Variants in PCDHGA7 observed in about 807,000 individuals in gnomAD.
The protein encoded by PCDHGA7 is protocadherin gamma subfamily A, 7, also known as protocadherin gamma-A7.
In PCDHGA7, 44 loss-of-function variants were observed where a neutral mutation model predicts 58.3. The observed-to-expected ratio is 0.75, with a 90% CI of 0.59 to 0.97. The LOEUF (loss-of-function observed/expected upper bound fraction) is 0.97. Ranked by LOEUF, PCDHGA7 falls within the 50% of genes least tolerant of loss-of-function variation. The pLI is 0.00. For synonymous variants in PCDHGA7, 516 were observed against 504.2 expected (o/e 1.02, Z -0.31); for missense variants, 1,266 against 1,188.7 (o/e 1.06, Z -0.96).
chr5:141,422,314 C>G (rs1207977453), intron 1 of PCDHGA7: 2 of 1,547,838 alleles, frequency 1.3e-6, no homozygotes, highest in Non-Finnish European at 1.7e-6. Context: ...AAACTCTCCT[C>G]CAGGTACAGT....
chr5:141,485,587 G>C lies in PCDHGA7; in HGVS notation c.2425-9220G>C. 6.2e-7 allele frequency: 1 copy of C among 1,612,652 alleles called. No individual in the cohort carries two copies. The highest frequency in any genetic ancestry group is 1.7e-5 in the Admixed American group (1 of 59,982). On this transcript the variant is annotated intron_variant, in intron 1 of 3. Coordinates refer to ENST00000518325, the MANE Select transcript of PCDHGA7 (RefSeq NM_018920.4). This position sits in a 1 kb window ranked among gnomAD's most constrained non-coding sequence, Gnocchi z 5.7. ...CCCCCCGTTTTCCGCGGCAGCAGCT[G>C]GACTTGGAAATTGGGGAGGCAGCTC... is the stretch of plus-strand genomic sequence containing the variant.
At position 141,384,238 on chromosome 5, in the gene PCDHGA7, G is replaced by A. The variant is rs1779876859; in HGVS notation, c.1339G>A (p.Asp447Asn). ...ATTCATGCAGGTGGCAGACACCAAC[G>A]ATAACCCACCCACCTTCCCCCACTC... ...HIFMQVADTN[D>N]NPPTFPHSSY... Residue 447 changes from aspartate to asparagine, a missense_variant, in exon 1 of 4, where the codon GAT becomes AAT. Asp to Asn is a conservative substitution (Grantham distance 23, BLOSUM62 1). Coordinates refer to ENST00000518325, the MANE Select transcript of PCDHGA7 (RefSeq NM_018920.4). 1 of 1,613,838 alleles carries A rather than the reference G, an allele frequency of 6.2e-7. No individual in the cohort carries two copies. Among genetic ancestry groups the A allele is most frequent in the Non-Finnish European group, 8.5e-7 (1 of 1,179,886 alleles).
chr5:141,473,930 G>T (rs966856411), intron 1 of PCDHGA7, among the ~76,000 whole-genome samples: 3 of 152,156 alleles, frequency 2.0e-5, no homozygotes, highest in Admixed American at 6.5e-5. Flanking sequence ...TGAGCTGGGT[G>T]CAGTAGCTCA....
chr5:141,475,213 G>C (rs1359120020), intron 1 of PCDHGA7, among the ~76,000 whole-genome samples: 2 of 152,170 alleles, frequency 1.3e-5, no homozygotes, highest in African/African-American at 4.8e-5. Context: ...GAAAAGGATT[G>C]ATCAAGTAAA....
At chr5:141,427,695 C>T in intron 1 of PCDHGA7, 1 of 918,214 alleles carries the variant, frequency 1.1e-6, no homozygotes, top group Non-Finnish European at 1.7e-6. Context: ...CTCCATCCCA[C>T]AAGTCAGCGC....
At chr5:141,452,193 GT>G (rs1375451557) in intron 1 of PCDHGA7, among the ~76,000 whole-genome samples, 1 of 151,990 alleles carries the variant, frequency 6.6e-6, no homozygotes, top group Non-Finnish European at 1.5e-5. Context: ...ACCTCAAATT[GT>G]TTTAGATGTT....
chr5:141,491,932 G>A lies in PCDHGA7; in HGVS notation c.2425-2875G>A. Reference sequence around the variant, plus strand: ...GGCGACTGTGGGCGAGGGGAGGTGGGACCGACCCCCACCCCTACACTCAAA... The same window carrying A: ...GGCGACTGTGGGCGAGGGGAGGTGGAACCGACCCCCACCCCTACACTCAAA... On this transcript the variant is annotated intron_variant, in intron 1 of 3. Transcript: ENST00000518325. This position sits in a 1 kb window ranked among gnomAD's most constrained non-coding sequence, Gnocchi z 6.9. 1 of 1,259,014 alleles carries A rather than the reference G, an allele frequency of 7.9e-7. No homozygotes were observed. The highest frequency in any genetic ancestry group is 1.1e-6 in the Non-Finnish European group (1 of 926,048). The allele number at this position is 1,259,014 out of a possible 1,614,324, so 78.0% of individuals were successfully genotyped here. A position where few individuals can be genotyped will look rare whatever the true frequency, so the allele number is the denominator to read the frequency against.
At chr5:141,388,250 G>A in intron 1 of PCDHGA7, 1 of 1,610,522 alleles carries the variant, frequency 6.2e-7, no homozygotes, top group Middle Eastern at 1.7e-4. Flanking sequence ...TGAATGTGGA[G>A]ATCGAGGACA....
In PCDHGA7 at chr5:141,393,089, G is replaced by A. The variant is rs1168367249; in HGVS notation, c.2424+7766G>A. 4 of 1,613,660 alleles carry A rather than the reference G, an allele frequency of 2.5e-6. No homozygotes were observed. In the East Asian group the frequency reaches 6.7e-5, roughly 27 times the overall value. ...TGATCACCGCGGGCAGGATAGATCGGGAGGAGCTCTGCGCTCAGAGCCCGC... is the reference window on the plus strand; with the variant it reads ...TGATCACCGCGGGCAGGATAGATCGAGAGGAGCTCTGCGCTCAGAGCCCGC... On this transcript the variant is annotated intron_variant, in intron 1 of 3. Transcript: ENST00000518325.
chr5:141,429,476 A>T (rs1279691939), intron 1 of PCDHGA7, among the ~76,000 whole-genome samples: 1 of 152,112 alleles, frequency 6.6e-6, no homozygotes, highest in Non-Finnish European at 1.5e-5. Flanking sequence ...CAATCTCCAG[A>T]GTAGCTGAGA....
chr5:141,499,689 C>CTTTTT (rs545067566), intron 2 of PCDHGA7, among the ~76,000 whole-genome samples: 5 of 119,848 alleles, frequency 4.2e-5, no homozygotes, highest in Admixed American at 8.7e-5. Context: ...TAACAGATGA[C>CTTTTT]TTTTTTTTTT....
At chr5:141,507,450 CAG>C (rs940460926) in intron 3 of PCDHGA7, among the ~76,000 whole-genome samples, 3 of 152,168 alleles carry the variant, frequency 2.0e-5, no homozygotes, top group African/African-American at 7.2e-5. Flanking sequence ...GACGGAAGGA[CAG>C]AGAGAGAGGT....
intron 2 of PCDHGA7, among the ~76,000 whole-genome samples, chr5:141,496,334 G>T (rs959266723): frequency 2.6e-5 from 4 of 152,240 alleles, no homozygotes; most frequent in Admixed American, 6.5e-5. Context: ...GAAGTCAGGA[G>T]CCTGGAGGAG....
intron 1 of PCDHGA7, chr5:141,419,829 C>G (rs748734266): frequency 6.2e-7 from 1 of 1,614,072 alleles, no homozygotes; most frequent in Admixed American, 1.7e-5. Flanking sequence ...CTTTCAGCCA[C>G]TGCCACGCTG....
At chr5:141,479,090 T>G (rs1424205731) in intron 1 of PCDHGA7, among the ~76,000 whole-genome samples, 2 of 152,244 alleles carry the variant, frequency 1.3e-5, no homozygotes, top group Non-Finnish European at 2.9e-5. Flanking sequence ...CCAGGCATCC[T>G]TTAAATTTTA....
chr5:141,396,725 T>A (rs1432052825), intron 1 of PCDHGA7: 2 of 152,198 alleles, frequency 1.3e-5, no homozygotes, highest in East Asian at 3.8e-4. Flanking sequence ...AATACCTGAA[T>A]TGATTGTTGT....
chr5:141,420,176 C>CA (rs1162032152), intron 1 of PCDHGA7: 5 of 1,613,874 alleles, frequency 3.1e-6, no homozygotes, highest in Non-Finnish European at 4.2e-6. Flanking sequence ...ATCTGTTGAT[C>CA]ATTGTCCAGC....
In PCDHGA7 at chr5:141,383,066, C is replaced by T. The variant is rs1305703893; in HGVS notation, c.167C>T (p.Pro56Leu). ...GDIAKDLGLE[P>L]RELAERGVRI... Reference sequence around the variant, plus strand: ...ATCGCCAAGGACCTGGGGCTGGAGCCCCGGGAGCTGGCGGAGCGCGGAGTC... The same window carrying T: ...ATCGCCAAGGACCTGGGGCTGGAGCTCCGGGAGCTGGCGGAGCGCGGAGTC... Residue 56 changes from proline to leucine, a missense_variant, in exon 1 of 4, where the codon CCC becomes CTC. Physicochemically the swap from Pro to Leu is moderately conservative, Grantham distance 98 (BLOSUM62 -3). Coordinates refer to ENST00000518325, the MANE Select transcript of PCDHGA7 (RefSeq NM_018920.4). 6.2e-7 allele frequency: 1 copy of T among 1,613,826 alleles called. No individual in the cohort carries two copies. Among genetic ancestry groups the T allele is most frequent in the Admixed American group, 1.7e-5 (1 of 60,022 alleles).
chr5:141,485,408 T>C lies in PCDHGA7; in HGVS notation c.2425-9399T>C. On this transcript the variant is annotated intron_variant, in intron 1 of 3. Transcript: ENST00000518325. The surrounding 1 kb of genome is among the most constrained non-coding windows in gnomAD (Gnocchi z 5.7). ...GAACCAAAGACACTTCCGTGTGGAT[T>C]TGGACAGCGGAGCCCTGCTCATCAA... 1 of 1,614,112 alleles carries C rather than the reference T, an allele frequency of 6.2e-7. No individual in the cohort carries two copies. Among genetic ancestry groups the C allele is most frequent in the Non-Finnish European group, 8.5e-7 (1 of 1,180,034 alleles).
Sources: gnomAD v4.1 joint callset for allele counts (sites outside exome capture counted in the v4.1 genomes callset) on GRCh38, gnomAD v4.1.1 for gene constraint, Gnocchi (gnomAD v3.1) non-coding constraint, MANE v1.5 for transcripts, NCBI Gene and HGNC (gene_info 2026-07-23, HGNC 2026-07-21) for gene names.